Variants in EPS8 observed in about 807,000 individuals in gnomAD.
EPS8 encodes the protein epidermal growth factor receptor kinase substrate 8.
Under a neutral mutation model 103.8 loss-of-function variants are expected in EPS8, and 42 were observed. The ratio of observed to expected loss-of-function variants is 0.40; its 90% CI spans 0.32 to 0.52. The LOEUF is 0.52. Ranked by LOEUF, EPS8 falls within the 20% of genes least tolerant of loss-of-function variation. The pLI, the probability that EPS8 is intolerant of heterozygous loss-of-function variation, is 0.40. For synonymous variants in EPS8, 344 were observed against 344.6 expected (o/e 1.00, Z 0.02); for missense variants, 969 against 1,005.1 (o/e 0.96, Z 0.49).
At position 15,704,275 on chromosome 12, in the gene EPS8, C is replaced by T. The variant is rs1946354687; in HGVS notation, c.-21-21303G>A. On this transcript the variant is annotated intron_variant, in intron 1 of 20. Transcript: ENST00000281172. This position sits in a 1 kb window ranked among gnomAD's most constrained non-coding sequence, Gnocchi z 4.6. ...AAGTAGAGACTAGATATTTGTACAC[C>T]CATGCTCATATCAACATTATTCACG... 6.6e-6 allele frequency among the ~76,000 whole-genome samples: 1 copy of T among 152,060 alleles called. No individual in the cohort carries two copies. Among genetic ancestry groups the T allele is most frequent in the South Asian group, 2.1e-4 (1 of 4,824 alleles).
rs752508960 is a variant in EPS8, at chr12:15,784,585, T to C, written c.-22+4576A>G. 6.6e-6 allele frequency among the ~76,000 whole-genome samples: 1 copy of C among 152,164 alleles called. No individual in the cohort carries two copies. Among genetic ancestry groups the C allele is most frequent in the Non-Finnish European group, 1.5e-5 (1 of 67,982 alleles). Reference sequence around the variant, plus strand: ...CTTCGGAAAACAGTTTGGCAATTTCTTACAAAGCTAACCATAATCTTACCA... The same window carrying C: ...CTTCGGAAAACAGTTTGGCAATTTCCTACAAAGCTAACCATAATCTTACCA... On this transcript the variant is annotated intron_variant, in intron 1 of 20. Coordinates refer to ENST00000281172, the MANE Select transcript of EPS8 (RefSeq NM_004447.6). This position sits in a 1 kb window ranked among gnomAD's most constrained non-coding sequence, Gnocchi z 4.0.
rs1177115284 is a variant in EPS8, at chr12:15,767,744, GC to G, written c.-22+21416del. Among the ~76,000 whole-genome samples, 1 of 152,226 alleles carries G rather than the reference GC, an allele frequency of 6.6e-6. No homozygotes were observed. The highest frequency in any genetic ancestry group is 2.4e-5 in the African/African-American group (1 of 41,452). ...GAAATTGAAATGGTTGGTGGCAACA[GC>G]TCTCCTTCCAGGAATACCTGTCAAA... is the stretch of plus-strand genomic sequence containing the variant. On this transcript the variant is annotated intron_variant, in intron 1 of 20. Coordinates refer to ENST00000281172, the MANE Select transcript of EPS8 (RefSeq NM_004447.6). The surrounding 1 kb of genome is among the most constrained non-coding windows in gnomAD (Gnocchi z 5.5).
intron 1 of EPS8, among the ~76,000 whole-genome samples, chr12:15,743,059 C>T (rs1044512292): frequency 2.0e-5 from 3 of 152,170 alleles, no homozygotes; most frequent in Non-Finnish European, 4.4e-5. Flanking sequence ...GCAACTTCAG[C>T]GAAGTCTCAG....
chr12:15,663,530 C>G (rs888268326), intron 8 of EPS8, among the ~76,000 whole-genome samples: 1 of 152,078 alleles, frequency 6.6e-6, no homozygotes, highest in Non-Finnish European at 1.5e-5. Context: ...GTTCTGAAAG[C>G]CTTATCTCAC....
rs751108657 is a variant in EPS8, at chr12:15,669,427, T to C, written c.476A>G (p.Asn159Ser). 46 of 1,614,004 alleles carry C rather than the reference T, an allele frequency of 2.9e-5. No homozygotes were observed. The highest frequency in any genetic ancestry group is 3.9e-5 in the Non-Finnish European group (46 of 1,179,932). The change falls in exon 6 of 21, where the codon AAC (asparagine) becomes AGC (serine). Residue 159 changes from asparagine to serine, a missense_variant. Coordinates refer to ENST00000281172, the MANE Select transcript of EPS8 (RefSeq NM_004447.6). Reference sequence around the variant, plus strand: ...CTGGAAGAGATGAAGATCTGGCTTGTTCTGGGTTGGCTCTTTGCACACCAG... The same window carrying C: ...CTGGAAGAGATGAAGATCTGGCTTGCTCTGGGTTGGCTCTTTGCACACCAG... ...LALVCKEPTQNKPDLHLFQCD... is the reference protein window; with the variant it reads ...LALVCKEPTQSKPDLHLFQCD...
At chr12:15,770,415 T>G (rs1161284842) in intron 1 of EPS8, among the ~76,000 whole-genome samples, 2 of 152,116 alleles carry the variant, frequency 1.3e-5, no homozygotes, top group African/African-American at 4.8e-5. Flanking sequence ...TGCTAAAGCG[T>G]GTTTTTGTAG....
At chr12:15,630,314 C>T (rs554009308) in intron 18 of EPS8, among the ~76,000 whole-genome samples, 2 of 152,032 alleles carry the variant, frequency 1.3e-5, no homozygotes, top group Non-Finnish European at 2.9e-5. Context: ...TTTTACACAT[C>T]AAGTATAGGT....
intron 1 of EPS8, among the ~76,000 whole-genome samples, chr12:15,715,575 G>C (rs1425394736): frequency 6.6e-6 from 1 of 151,368 alleles, no homozygotes; most frequent in East Asian, 1.9e-4. Context: ...TAATAGAGAT[G>C]GGGTTTCACC....
intron 4 of EPS8, 96 bp from the exon 5 acceptor site, chr12:15,669,921 G>T: frequency 1.1e-6 from 1 of 881,304 alleles, no homozygotes; most frequent in Non-Finnish European, 1.6e-6. Flanking sequence ...ATAACCTGAG[G>T]TCAGCTAGCA....
rs568586044 is a variant in EPS8, at chr12:15,780,100, A to G, written c.-22+9061T>C. On this transcript the variant is annotated intron_variant, in intron 1 of 20. Coordinates refer to ENST00000281172, the MANE Select transcript of EPS8 (RefSeq NM_004447.6). This position sits in a 1 kb window ranked among gnomAD's most constrained non-coding sequence, Gnocchi z 4.1. The stretch of plus-strand genomic sequence containing the variant: ...ATTTGTTTGCTACATAAAGAGCTAC[A>G]TTTAGAAGGCCATGTGACTAGAAGA... 2.0e-5 allele frequency: 3 copies of G among 152,336 alleles called. No homozygotes were observed. The highest frequency in any genetic ancestry group is 1.9e-4 in the East Asian group (1 of 5,190). 9.4% of individuals were successfully genotyped at this position (152,336 alleles called of 1,614,324 possible).
chr12:15,703,377 C>A (rs1946337638), intron 1 of EPS8, among the ~76,000 whole-genome samples: 1 of 152,046 alleles, frequency 6.6e-6, no homozygotes, highest in South Asian at 2.1e-4. Flanking sequence ...AAAGTGTCTA[C>A]CTATGGAAGC....
chr12:15,668,131 C>A (rs906602817), intron 6 of EPS8, among the ~76,000 whole-genome samples: 1 of 152,012 alleles, frequency 6.6e-6, no homozygotes, highest in African/African-American at 2.4e-5. Context: ...TCTAACCTTA[C>A]AAAAATTATA....
At position 15,784,527 on chromosome 12, in the gene EPS8, T is replaced by C. The variant is rs143747278; in HGVS notation, c.-22+4634A>G. Among the ~76,000 whole-genome samples the C allele has an allele frequency of 1.3e-3, 201 of 152,302 alleles. 1 individual carries two copies. The highest frequency in any genetic ancestry group is 4.6e-3 in the African/African-American group (192 of 41,588). On this transcript the variant is annotated intron_variant, in intron 1 of 20. Coordinates refer to ENST00000281172, the MANE Select transcript of EPS8 (RefSeq NM_004447.6). The surrounding 1 kb of genome is among the most constrained non-coding windows in gnomAD (Gnocchi z 4.0). ...AGATGTGGGGCAATAAGAACTCACA[T>C]TCATTGCTGGTGAGAATGTAATAGT...
intron 1 of EPS8, among the ~76,000 whole-genome samples, chr12:15,709,996 A>T (rs59486790): frequency 0.01 from 1,526 of 152,334 alleles, 28 homozygotes; most frequent in African/African-American, 0.035. Flanking sequence ...GGCAGAGCTC[A>T]GGCAGTGATG....
intron 17 of EPS8, among the ~76,000 whole-genome samples, chr12:15,632,278 T>C (rs923015968): frequency 5.3e-5 from 8 of 152,148 alleles, no homozygotes; most frequent in Non-Finnish European, 1.2e-4. Context: ...ATGTTTATGA[T>C]TGCAACTTAC....
At chr12:15,709,247 A>G (rs1946429346) in intron 1 of EPS8, among the ~76,000 whole-genome samples, 1 of 152,238 alleles carries the variant, frequency 6.6e-6, no homozygotes, top group Non-Finnish European at 1.5e-5. Flanking sequence ...GTCATTAGAA[A>G]GGAAGTAAAA....
At position 15,693,363 on chromosome 12, in the gene EPS8, A is replaced by G. The variant is rs554827699; in HGVS notation, c.-21-10391T>C. 6.6e-6 allele frequency among the ~76,000 whole-genome samples: 1 copy of G among 152,324 alleles called. No individual in the cohort carries two copies. Among genetic ancestry groups the G allele is most frequent in the East Asian group, 1.9e-4 (1 of 5,188 alleles). ...CTTGGTATCCCCAACCGAGTTCTCTAGTTCACATTCTCCACAGAATAAACT... is the reference window on the plus strand; with the variant it reads ...CTTGGTATCCCCAACCGAGTTCTCTGGTTCACATTCTCCACAGAATAAACT... On this transcript the variant is annotated intron_variant, in intron 1 of 20. Transcript: ENST00000281172. This position sits in a 1 kb window ranked among gnomAD's most constrained non-coding sequence, Gnocchi z 5.6.
intron 1 of EPS8, among the ~76,000 whole-genome samples, chr12:15,685,029 C>A (rs1591855111): frequency 1.3e-5 from 2 of 152,166 alleles, no homozygotes; most frequent in East Asian, 3.9e-4. Context: ...TAAATATTCC[C>A]ACCATGGCCA....
At position 15,650,805 on chromosome 12, in the gene EPS8, T is replaced by TA. The variant is rs779041407; in HGVS notation, c.1434+17_1434+18insT. 2 of 1,600,796 alleles carry TA rather than the reference T, an allele frequency of 1.2e-6. No individual in the cohort carries two copies. The highest frequency in any genetic ancestry group is 1.7e-6 in the Non-Finnish European group (2 of 1,168,860). The stretch of plus-strand genomic sequence containing the variant: ...TAATTACACTGTCTACAGAGGGCAA[T>TA]GTTAAAAAAAAAACTACCTCTGTGG... On this transcript the variant is annotated intron_variant, in intron 14 of 20. Coordinates refer to ENST00000281172, the MANE Select transcript of EPS8 (RefSeq NM_004447.6).
Sources: allele counts gnomAD v4.1 joint callset (sites outside exome capture counted in the v4.1 genomes callset), GRCh38; gene constraint gnomAD v4.1.1; non-coding constraint Gnocchi (gnomAD v3.1); transcripts MANE v1.5; gene names NCBI Gene and HGNC (gene_info 2026-07-23, HGNC 2026-07-21).